The following KCTD13 variants were observed in gnomAD, a reference collection of about 807,000 sequenced individuals.
KCTD13 encodes potassium channel tetramerization domain containing 13, also known as BTB/POZ domain-containing adapter for CUL3-mediated RhoA degradation protein 1.
A neutral mutation model predicts 32.3 loss-of-function variants in KCTD13; 15 were observed. That is an observed-to-expected ratio of 0.46 (90% CI 0.31 to 0.71). KCTD13 has a LOEUF of 0.71. KCTD13 is among the 30% of genes least tolerant of loss of function. The probability of loss-of-function intolerance (pLI) is 0.05; values close to 1 mark genes in which losing one functional copy is unlikely to be tolerated. For synonymous variants in KCTD13, 189 were observed against 200.1 expected (o/e 0.94, Z 0.47); for missense variants, 337 against 452.6 (o/e 0.74, Z 2.32).
In KCTD13 at chr16:29,926,169, A is replaced by C; in HGVS notation, c.-136T>G. ...CGCCCACTCACCGCAGCTACTCTGC[A>C]AGACCGGCCCTCCGCCCCATCTCGC... is the stretch of plus-strand genomic sequence containing the variant. On this transcript the variant is annotated 5_prime_UTR_variant, in exon 1 of 6. Coordinates refer to ENST00000568000, the MANE Select transcript of KCTD13 (RefSeq NM_178863.5). 1 of 1,037,804 alleles carries C rather than the reference A, an allele frequency of 9.6e-7. No homozygotes were observed. The highest frequency in any genetic ancestry group is 2.0e-5 in the South Asian group (1 of 49,112). 64.3% of individuals were successfully genotyped at this position (1,037,804 alleles called of 1,614,324 possible). A position where few individuals can be genotyped will look rare whatever the true frequency, so the allele number is the denominator to read the frequency against.
chr16:29,914,975 C>CA lies in KCTD13; in HGVS notation c.415-2927dup, dbSNP rs538063744. 5.3e-3 allele frequency: 682 copies of CA among 128,628 alleles called. 1 individual carries two copies. The highest frequency in any genetic ancestry group is 0.011 in the Admixed American group (134 of 12,746). 8.0% of individuals were successfully genotyped at this position (128,628 alleles called of 1,614,324 possible). On this transcript the variant is annotated intron_variant, in intron 2 of 5. Transcript: ENST00000568000. ...TGGGCAACATAGCAAGACTCTGTCTCAAAAAAAAAAAAAAGTGGGGCAGGG... is the reference window on the plus strand; with the variant it reads ...TGGGCAACATAGCAAGACTCTGTCTCAAAAAAAAAAAAAAAGTGGGGCAGGG...
chr16:29,916,277 CAAGGT>C, intron 2 of KCTD13, among the ~76,000 whole-genome samples: 1 of 152,096 alleles, frequency 6.6e-6, no homozygotes, highest in African/African-American at 2.4e-5. Flanking sequence ...TTTTTAGAGA[CAAGGT>C]CTCACTATAT....
In KCTD13 at chr16:29,923,333, G is replaced by A. The variant is rs202044176; in HGVS notation, c.271C>T (p.Arg91Cys). 19 of 1,614,006 alleles carry A rather than the reference G, an allele frequency of 1.2e-5. No homozygotes were observed. The highest frequency in any genetic ancestry group is 1.0e-4 in the Admixed American group (6 of 60,010). ...GGWVLIDRSG[R>C]HFGTILNYLR... ...TAATTGAGGATTGTACCAAAGTGAC[G>A]GCCGCTCCGGTCAATCAGCACCCAA... The change falls in exon 2 of 6, where the codon CGT becomes TGT. Residue 91 changes from arginine to cysteine, a missense_variant. This residue lies in a region of KCTD13 where 252 missense variants were observed against 340.2 expected (regional missense o/e 0.74). Coordinates refer to ENST00000568000, the MANE Select transcript of KCTD13 (RefSeq NM_178863.5).
At chr16:29,908,018 C>T (rs2068642791) in intron 5 of KCTD13, among the ~76,000 whole-genome samples, 1 of 150,600 alleles carries the variant, frequency 6.6e-6, no homozygotes. Context: ...AGAGATACAT[C>T]AGGAAAAGAG....
In KCTD13 at chr16:29,926,182, C is replaced by A. The variant is rs1170556576; in HGVS notation, c.-149G>T. Reference sequence around the variant, plus strand: ...CAGCTACTCTGCAAGACCGGCCCTCCGCCCCATCTCGCTCGCACCACCCGG... The same window carrying A: ...CAGCTACTCTGCAAGACCGGCCCTCAGCCCCATCTCGCTCGCACCACCCGG... On this transcript the variant is annotated 5_prime_UTR_variant, in exon 1 of 6. Transcript: ENST00000568000. 6 of 909,312 alleles carry A rather than the reference C, an allele frequency of 6.6e-6. No homozygotes were observed. Among genetic ancestry groups the A allele is most frequent in the African/African-American group, 1.8e-5 (1 of 56,496 alleles). The allele number at this position is 909,312 out of a possible 1,614,324, so 56.3% of individuals were successfully genotyped here. A position where few individuals can be genotyped will look rare whatever the true frequency, so the allele number is the denominator to read the frequency against.
chr16:29,917,610 T>A (rs1019460712), intron 2 of KCTD13, among the ~76,000 whole-genome samples: 2 of 151,994 alleles, frequency 1.3e-5, no homozygotes, highest in Admixed American at 6.5e-5. Context: ...TGAAACCCCA[T>A]CTCTGCTAAA....
At chr16:29,910,501 C>T in intron 5 of KCTD13, among the ~76,000 whole-genome samples, 1 of 152,048 alleles carries the variant, frequency 6.6e-6, no homozygotes, top group East Asian at 1.9e-4. Flanking sequence ...GCCATCATGT[C>T]ACCAAGCCAC....
At chr16:29,915,267 A>G (rs998738022) in intron 2 of KCTD13, 2 of 152,232 alleles carry the variant, frequency 1.3e-5, no homozygotes, top group Non-Finnish European at 2.9e-5. Context: ...CCAAGCTGGC[A>G]GTGTCTCTGC....
At chr16:29,911,531 C>T (rs747136129) in intron 4 of KCTD13, 5 of 586,656 alleles carry the variant, frequency 8.5e-6, no homozygotes. Context: ...ACAGTACTGA[C>T]CTCAAGGGGG....
Position 29,906,860 on chromosome 16 carries a change from G to T in KCTD13, c.*12C>A, listed in dbSNP as rs184896100. On this transcript the variant is annotated 3_prime_UTR_variant, in exon 6 of 6. Transcript: ENST00000568000. ...TCCCAAGGCAAGAGGAAGGCAGGGG[G>T]AGGGTCAGAGGTCAGTCCTTGAAGA... 27 of 1,607,932 alleles carry T rather than the reference G, an allele frequency of 1.7e-5. No individual in the cohort carries two copies. The Middle Eastern group carries it at 1.2e-3, about 69-fold the overall frequency.
At chr16:29,918,649 T>A (rs576351859) in intron 2 of KCTD13, among the ~76,000 whole-genome samples, 108 of 151,792 alleles carry the variant, frequency 7.1e-4, no homozygotes, top group Admixed American at 2.2e-3. Context: ...TTTTGTAATT[T>A]TTTATTTATT....
At chr16:29,925,681 G>C (rs1057150962) in intron 1 of KCTD13, 109 bp downstream of exon 1, 46 of 1,087,876 alleles carry the variant, frequency 4.2e-5, no homozygotes, top group Middle Eastern at 2.6e-4. Flanking sequence ...GAGTTGACTG[G>C]ACAGTAGCGG....
chr16:29,919,759 A>G (rs1470708441), intron 2 of KCTD13: 3 of 152,154 alleles, frequency 2.0e-5, no homozygotes, highest in Non-Finnish European at 4.4e-5. Flanking sequence ...ACACACACAC[A>G]TACTCTCACA....
rs1376609141 is a variant in KCTD13 at position 29,925,939 on chromosome 16, C to A, written c.95G>T (p.Gly32Val). The A allele has an allele frequency of 6.2e-7, 1 of 1,613,908 alleles. No individual in the cohort carries two copies. The highest frequency in any genetic ancestry group is 8.5e-7 in the Non-Finnish European group (1 of 1,179,898). ...GCTGTTCGGGGTCAGCGGCTTGAGA[C>A]CGTAGGCGGCGGGGCCAGGCTCGAG... is the stretch of plus-strand genomic sequence containing the variant. ...SGLEPGPAAY[G>V]LKPLTPNSKY... Residue 32 changes from glycine to valine, a missense_variant, in exon 1 of 6, where the codon GGT becomes GTT. Physicochemically the swap from Gly to Val is moderately radical, Grantham distance 109. This residue lies in a region of KCTD13 where 64 missense variants were observed against 59.6 expected (regional missense o/e 1.07). Transcript: ENST00000568000.
chr16:29,917,682 G>C (rs1366257711), intron 2 of KCTD13, among the ~76,000 whole-genome samples: 1 of 152,138 alleles, frequency 6.6e-6, no homozygotes, highest in African/African-American at 2.4e-5. Flanking sequence ...AGGAGGTTAG[G>C]GCAGGAGAAT....
At chr16:29,907,130 C>T in intron 5 of KCTD13, 22 bp from the exon 6 acceptor site, 1 of 1,550,186 alleles carries the variant, frequency 6.5e-7, no homozygotes, top group South Asian at 1.1e-5. Context: ...CAGCCGGCCC[C>T]AGCTCCTTCC....
rs2068706430 is a variant in KCTD13 at position 29,911,399 on chromosome 16, G to C, written c.558-226C>G. The C allele has an allele frequency of 5.3e-6, 3 of 569,502 alleles. No individual in the cohort carries two copies. In the South Asian group the frequency reaches 6.8e-5, roughly 13 times the overall value. 35.3% of individuals were successfully genotyped at this position (569,502 alleles called of 1,614,324 possible). On this transcript the variant is annotated intron_variant, in intron 4 of 5. Coordinates refer to ENST00000568000, the MANE Select transcript of KCTD13 (RefSeq NM_178863.5). ...GCACAGCACAGCAGCTCCAGTGAGG[G>C]ACCGGGAGCCAGGCCACCTCCCCGG...
chr16:29,916,381 G>A (rs10083738), intron 2 of KCTD13, among the ~76,000 whole-genome samples: 64,019 of 152,070 alleles, frequency 0.42, 14,997 homozygotes, highest in Non-Finnish European at 0.53. Context: ...GAACCACTGT[G>A]CCCAGCCAAT....
chr16:29,909,688 CTT>C (rs760949977), intron 5 of KCTD13, among the ~76,000 whole-genome samples: 9 of 142,866 alleles, frequency 6.3e-5, no homozygotes, highest in Admixed American at 7.1e-5. Flanking sequence ...CTGAGTTTCC[CTT>C]TTTTTTTTTT....
Sources: allele counts gnomAD v4.1 joint callset (sites outside exome capture counted in the v4.1 genomes callset), GRCh38; gene constraint gnomAD v4.1.1; regional missense constraint gnomAD v4.1.1; transcripts MANE v1.5; gene names NCBI Gene and HGNC (gene_info 2026-07-23, HGNC 2026-07-21).